Variants in CNTNAP5 observed in about 807,000 individuals in gnomAD.
CNTNAP5 encodes the protein contactin associated protein family member 5.
CNTNAP5 carries 72 observed loss-of-function variants against 150.2 expected under a neutral mutation model. That is an observed-to-expected ratio of 0.48 (90% CI 0.40 to 0.58). The LOEUF (loss-of-function observed/expected upper bound fraction) is 0.58, where lower values mean the gene tolerates loss of function less well. Ranked by LOEUF, CNTNAP5 falls within the 20% of genes least tolerant of loss-of-function variation. CNTNAP5 has a pLI of 0.00. For synonymous variants in CNTNAP5, 672 were observed against 619.8 expected, an observed-to-expected ratio of 1.08 and a Z score of -1.25; for missense variants, 1,636 against 1,626.2, an observed-to-expected ratio of 1.01 and a Z score of -0.10.
intron 7 of CNTNAP5, among the ~76,000 whole-genome samples, chr2:124,499,909 A>G (rs1245473725): frequency 6.6e-6 from 1 of 152,168 alleles, no homozygotes; most frequent in Non-Finnish European, 1.5e-5. Context: ...TCACTGGACT[A>G]CAGAGTCTGG....
intron 7 of CNTNAP5, among the ~76,000 whole-genome samples, chr2:124,483,711 A>C (rs1693807456): frequency 6.6e-6 from 1 of 152,200 alleles, no homozygotes; most frequent in Non-Finnish European, 1.5e-5. Context: ...CATTTGAGTC[A>C]TTATTGTCAT....
chr2:124,823,244 G>C (rs1341673033), intron 19 of CNTNAP5, among the ~76,000 whole-genome samples: 1 of 152,136 alleles, frequency 6.6e-6, no homozygotes, highest in Admixed American at 6.6e-5. Flanking sequence ...TTCTGGGAAA[G>C]CTACCTAAGA....
Position 124,306,423 on chromosome 2 carries a change from A to G in CNTNAP5, c.381+64030A>G, listed in dbSNP as rs549142174. ...CAGTCTTTCCCCCCCAAATAAGTCT[A>G]TGGAAATTCAGAACTGAGCTCCAAA... On this transcript the variant is annotated intron_variant, in intron 3 of 23. Transcript: ENST00000682447. Among the ~76,000 whole-genome samples, 5 of 152,284 alleles carry G rather than the reference A, an allele frequency of 3.3e-5. No homozygotes were observed. In the South Asian group the frequency reaches 1.0e-3, roughly 32 times the overall value.
intron 1 of CNTNAP5, among the ~76,000 whole-genome samples, chr2:124,202,232 G>A (rs1235702948): frequency 6.6e-6 from 1 of 152,084 alleles, no homozygotes; most frequent in Non-Finnish European, 1.5e-5. Context: ...TAGTTCTGAA[G>A]TAAGTTTCTC....
chr2:124,301,981 GC>G (rs1688576116), intron 3 of CNTNAP5, among the ~76,000 whole-genome samples: 2 of 152,180 alleles, frequency 1.3e-5, no homozygotes, highest in South Asian at 4.1e-4. Context: ...ATAAAGTGAA[GC>G]TCTAATCCAA....
intron 1 of CNTNAP5, among the ~76,000 whole-genome samples, chr2:124,057,420 T>A (rs1573722925): frequency 6.9e-6 from 1 of 144,476 alleles, no homozygotes; most frequent in African/African-American, 2.6e-5. Context: ...TAGCTGGGAC[T>A]GCAGGCACCC....
intron 1 of CNTNAP5, among the ~76,000 whole-genome samples, chr2:124,134,586 A>G (rs762485108): frequency 6.6e-6 from 1 of 152,214 alleles, no homozygotes; most frequent in Non-Finnish European, 1.5e-5. Context: ...TCTAGTCAAT[A>G]AAACACACAA....
chr2:124,607,085 A>C (rs1376474056), intron 11 of CNTNAP5, among the ~76,000 whole-genome samples: 1 of 152,200 alleles, frequency 6.6e-6, no homozygotes, highest in Non-Finnish European at 1.5e-5. Context: ...GAGTTACTGT[A>C]GTCTAATGAG....
intron 3 of CNTNAP5, among the ~76,000 whole-genome samples, chr2:124,338,815 A>G (rs1406008644): frequency 1.3e-5 from 2 of 152,066 alleles, no homozygotes; most frequent in African/African-American, 4.8e-5. Flanking sequence ...CCAAATACCA[A>G]AGTGCCATAC....
chr2:124,639,910 G>A (rs898335600), intron 12 of CNTNAP5, among the ~76,000 whole-genome samples: 1 of 151,986 alleles, frequency 6.6e-6, no homozygotes, highest in South Asian at 2.1e-4. Context: ...AGTATGGGGG[G>A]AATGGTATCT....
intron 13 of CNTNAP5, among the ~76,000 whole-genome samples, chr2:124,700,962 G>T (rs952319527): frequency 6.6e-6 from 1 of 151,962 alleles, no homozygotes; most frequent in Non-Finnish European, 1.5e-5. Flanking sequence ...GCAAATTAAC[G>T]TATCTATCAT....
intron 3 of CNTNAP5, among the ~76,000 whole-genome samples, chr2:124,304,376 G>A (rs545551428): frequency 1.3e-5 from 2 of 149,904 alleles, no homozygotes; most frequent in African/African-American, 2.5e-5. Context: ...TAACCACAGG[G>A]AGAAATGGCA....
At chr2:124,673,288 T>G (rs7582697) in intron 13 of CNTNAP5, among the ~76,000 whole-genome samples, 34,564 of 152,050 alleles carry the variant, frequency 0.23, 4,386 homozygotes, top group African/African-American at 0.35. Flanking sequence ...AGAATGTGCT[T>G]TCCTAATGAA....
intron 19 of CNTNAP5, among the ~76,000 whole-genome samples, chr2:124,814,475 G>C (rs868661447): frequency 4.6e-5 from 7 of 152,198 alleles, no homozygotes; most frequent in Middle Eastern, 3.4e-3. Context: ...TCCTGGCCTA[G>C]CACAATGTGG....
intron 7 of CNTNAP5, among the ~76,000 whole-genome samples, chr2:124,496,558 A>G (rs919432570): frequency 6.6e-6 from 1 of 152,202 alleles, no homozygotes; most frequent in Non-Finnish European, 1.5e-5. Flanking sequence ...ACAATGAAAA[A>G]GTTTTGTAAA....
At chr2:124,267,256 T>C (rs1558826846) in intron 3 of CNTNAP5, among the ~76,000 whole-genome samples, 1 of 152,186 alleles carries the variant, frequency 6.6e-6, no homozygotes, top group African/African-American at 2.4e-5. Context: ...ACGGAGTGGA[T>C]ACTGCTCAGA....
intron 1 of CNTNAP5, among the ~76,000 whole-genome samples, chr2:124,160,821 T>G (rs1452354630): frequency 6.6e-6 from 1 of 152,178 alleles, no homozygotes; most frequent in Non-Finnish European, 1.5e-5. Context: ...ATAATCATCA[T>G]TGTTGACAGA....
At chr2:124,634,515 T>C (rs545995147) in intron 12 of CNTNAP5, among the ~76,000 whole-genome samples, 2 of 152,264 alleles carry the variant, frequency 1.3e-5, no homozygotes, top group South Asian at 2.1e-4. Context: ...TGTATACATA[T>C]ATTTTTTAAA....
chr2:124,827,389 G>C (rs77781515), intron 19 of CNTNAP5, among the ~76,000 whole-genome samples: 1 of 152,234 alleles, frequency 6.6e-6, no homozygotes, highest in South Asian at 2.1e-4. Context: ...TCCTTGTACT[G>C]GTCCTCTCTG....
Sources: allele counts gnomAD v4.1 joint callset (sites outside exome capture counted in the v4.1 genomes callset), GRCh38; gene constraint gnomAD v4.1.1; transcripts MANE v1.5; gene names NCBI Gene and HGNC (gene_info 2026-07-23, HGNC 2026-07-21).